Variants in TENM2 observed in about 807,000 individuals in gnomAD.
The protein encoded by TENM2 is teneurin-2.
Under a neutral mutation model 245.2 loss-of-function variants are expected in TENM2, and 52 were observed. That is an observed-to-expected ratio of 0.21 (90% confidence interval 0.17 to 0.27). The LOEUF (loss-of-function observed/expected upper bound fraction) is 0.27, where lower values mean the gene tolerates loss of function less well. Ranked by LOEUF, TENM2 falls within the 10% of genes least tolerant of loss-of-function variation. The probability of loss-of-function intolerance (pLI) is 1.00; values close to 1 mark genes in which losing one functional copy is unlikely to be tolerated. For synonymous variants in TENM2, 1,363 were observed against 1,438.9 expected, an observed-to-expected ratio of 0.95 and a Z score of 1.19; for missense variants, 3,046 against 3,666.8, an observed-to-expected ratio of 0.83 and a Z score of 4.37.
At chr5:168,118,927 C>G (rs1024825629) in intron 10 of TENM2, among the ~76,000 whole-genome samples, 1 of 152,074 alleles carries the variant, frequency 6.6e-6, no homozygotes, top group African/African-American at 2.4e-5. Flanking sequence ...AGAAAAGAAA[C>G]AAGAATTCCT....
intron 2 of TENM2, among the ~76,000 whole-genome samples, chr5:167,460,193 T>C (rs1259307444): frequency 6.6e-6 from 1 of 152,132 alleles, no homozygotes; most frequent in Non-Finnish European, 1.5e-5. Context: ...AGCCTGAAAT[T>C]TTTCCCAATG....
the TENM2 span, among the ~76,000 whole-genome samples, chr5:166,995,668 T>C: frequency 6.6e-6 from 1 of 151,364 alleles, no homozygotes; most frequent in South Asian, 2.1e-4. Context: ...ATACAAAAAT[T>C]AGCCAGGCGT....
chr5:167,664,756 T>C (rs1755459439), intron 2 of TENM2, among the ~76,000 whole-genome samples: 1 of 152,206 alleles, frequency 6.6e-6, no homozygotes, highest in Non-Finnish European at 1.5e-5. Context: ...GTATTTTGTC[T>C]TTTATAGTAG....
chr5:167,480,797 G>A (rs1767712966), intron 2 of TENM2, among the ~76,000 whole-genome samples: 1 of 152,198 alleles, frequency 6.6e-6, no homozygotes, highest in Non-Finnish European at 1.5e-5. Flanking sequence ...CAAGTAGCCA[G>A]TCAGGGGAGA....
At chr5:167,823,695 G>A (rs1767727297) in intron 2 of TENM2, among the ~76,000 whole-genome samples, 1 of 152,144 alleles carries the variant, frequency 6.6e-6, no homozygotes, top group African/African-American at 2.4e-5. Context: ...GGAGCATATG[G>A]CAAGAGAAAA....
At chr5:167,843,880 G>A (rs1185320391) in intron 2 of TENM2, among the ~76,000 whole-genome samples, 2 of 152,166 alleles carry the variant, frequency 1.3e-5, no homozygotes, top group Non-Finnish European at 2.9e-5. Flanking sequence ...TTGCTACTTT[G>A]TGTTATCAAG....
At chr5:167,525,546 A>G (rs972118380) in intron 2 of TENM2, among the ~76,000 whole-genome samples, 1 of 152,116 alleles carries the variant, frequency 6.6e-6, no homozygotes, top group Non-Finnish European at 1.5e-5. Context: ...ATGAGATGCC[A>G]ATAATATGGA....
the TENM2 span, among the ~76,000 whole-genome samples, chr5:167,206,203 C>T: frequency 6.6e-6 from 1 of 152,156 alleles, no homozygotes; most frequent in East Asian, 1.9e-4. Flanking sequence ...TTATCCTGTT[C>T]AAAACTGAAC....
In TENM2 at chr5:168,079,724, G is replaced by T; in HGVS notation, c.1516-10850G>T. 1.3e-5 allele frequency among the ~76,000 whole-genome samples: 2 copies of T among 152,160 alleles called. 1 individual carries two copies. The highest frequency in any genetic ancestry group is 2.9e-5 in the Non-Finnish European group (2 of 68,030). On this transcript the variant is annotated intron_variant, in intron 7 of 28. Transcript: ENST00000518659. The stretch of plus-strand genomic sequence containing the variant: ...TGTCTTTGGTTCTGTTTATGTGATG[G>T]ATTGCATTTATTGATTTGCATATGT...
intron 2 of TENM2, among the ~76,000 whole-genome samples, chr5:167,813,364 T>C (rs1766786123): frequency 6.6e-6 from 1 of 151,124 alleles, no homozygotes; most frequent in South Asian, 2.1e-4. Context: ...AAGGGTCCTT[T>C]TGCTGAAGAG....
the TENM2 span, among the ~76,000 whole-genome samples, chr5:167,279,741 T>A: frequency 6.6e-6 from 1 of 152,110 alleles, no homozygotes; most frequent in Non-Finnish European, 1.5e-5. Flanking sequence ...GGGTCTTCTT[T>A]ACATCTTCTA....
At chr5:168,060,395 CAG>C (rs2152089180) in intron 6 of TENM2, among the ~76,000 whole-genome samples, 1 of 152,208 alleles carries the variant, frequency 6.6e-6, no homozygotes, top group African/African-American at 2.4e-5. Flanking sequence ...GCCTAGGCAA[CAG>C]AGTGAGACCC....
intron 3 of TENM2, among the ~76,000 whole-genome samples, chr5:167,919,850 T>C (rs1340702789): frequency 1.3e-5 from 2 of 152,236 alleles, no homozygotes; most frequent in African/African-American, 4.8e-5. Context: ...ACAACTATTA[T>C]GACTATCACG....
intron 6 of TENM2, among the ~76,000 whole-genome samples, chr5:168,058,364 C>T (rs1789739913): frequency 6.6e-6 from 1 of 152,192 alleles, no homozygotes; most frequent in Non-Finnish European, 1.5e-5. Flanking sequence ...GATGAATCTG[C>T]ATCTCTGCCT....
intron 2 of TENM2, among the ~76,000 whole-genome samples, chr5:167,860,057 TG>T (rs1181706402): frequency 9.4e-4 from 28 of 29,808 alleles, no homozygotes; most frequent in Admixed American, 2.3e-3. Flanking sequence ...GGGAGGGAGG[TG>T]GGGGGGGGTC....
At chr5:167,347,221 C>A (rs894212785) in intron 1 of TENM2, among the ~76,000 whole-genome samples, 4 of 151,878 alleles carry the variant, frequency 2.6e-5, no homozygotes, top group African/African-American at 9.7e-5. Flanking sequence ...TGCTCCAGAA[C>A]AGATAATATC....
chr5:168,260,158 TCTTC>T, intron 27 of TENM2, 121 bp from the exon 30 acceptor site: 2 of 963,134 alleles, frequency 2.1e-6, no homozygotes, highest in Non-Finnish European at 3.2e-6. Flanking sequence ...AGTCATAAGC[TCTTC>T]CTCCCTCCCC....
rs114509147 is a variant in TENM2, at chr5:168,223,284, A to G, written c.5109-2804A>G. 1.7e-3 allele frequency among the ~76,000 whole-genome samples: 264 copies of G among 152,272 alleles called. 2 individuals are homozygous for G. Among genetic ancestry groups the G allele is most frequent in the African/African-American group, 5.9e-3 (246 of 41,548 alleles). On this transcript the variant is annotated intron_variant, in intron 23 of 28. Transcript: ENST00000518659. ...TGTAAGTGTCCCCAAACTACAGTGG[A>G]TTGGAATTAAAATCCTTGCCCTGGT...
chr5:167,511,695 G>A (rs147369711), intron 2 of TENM2, among the ~76,000 whole-genome samples: 1 of 152,262 alleles, frequency 6.6e-6, no homozygotes, highest in East Asian at 1.9e-4. Context: ...GGTAGCCTGT[G>A]CCATAAGCAT....
Sources: allele counts gnomAD v4.1 joint callset (sites outside exome capture counted in the v4.1 genomes callset), GRCh38; gene constraint gnomAD v4.1.1; transcripts MANE v1.5; gene names NCBI Gene and HGNC (gene_info 2026-07-23, HGNC 2026-07-21).